OPRM1: variants seen among roughly 807,000 people sequenced by gnomAD.
OPRM1 encodes the protein mu-type opioid receptor.
Under a neutral mutation model 31.8 loss-of-function variants are expected in OPRM1, and 27 were observed. The ratio of observed to expected loss-of-function variants is 0.85; its 90% CI spans 0.63 to 1.17. The LOEUF is 1.17. Ranked by LOEUF, OPRM1 falls within the 50% of genes most tolerant of loss-of-function variation. The pLI, the probability that OPRM1 is intolerant of heterozygous loss-of-function variation, is 0.00. For missense variants in OPRM1, 536 were observed against 511.1 expected (o/e 1.05, Z -0.47); for synonymous variants, 196 against 189.9 (o/e 1.03, Z -0.26).
chr6:154,195,815 G>T (rs183066297), intron 3 of OPRM1, among the ~76,000 whole-genome samples: 62 of 144,172 alleles, frequency 4.3e-4, no homozygotes, highest in Non-Finnish European at 5.9e-4. Context: ...TTTTTGAAAC[G>T]GAGTCTTGCT....
chr6:154,039,954 G>T (rs1562387527), intron 1 of OPRM1, 120 bp downstream of exon 1: 5 of 880,648 alleles, frequency 5.7e-6, no homozygotes, highest in Non-Finnish European at 8.4e-6. Flanking sequence ...GTAAACTGGG[G>T]GGACTCTGGA....
At chr6:154,203,718 T>C (rs1303071381) in intron 3 of OPRM1, among the ~76,000 whole-genome samples, 1 of 152,196 alleles carries the variant, frequency 6.6e-6, no homozygotes, top group Non-Finnish European at 1.5e-5. Context: ...TTTGATGAGC[T>C]ACCTGAGAAC....
intron 3 of OPRM1, among the ~76,000 whole-genome samples, chr6:154,232,473 G>A (rs531477320): frequency 1.3e-5 from 2 of 152,312 alleles, no homozygotes; most frequent in East Asian, 3.9e-4. Flanking sequence ...GCCAGACCTA[G>A]AACACCAAGC....
At chr6:154,213,478 A>AT (rs1271177061) in intron 3 of OPRM1, 1 of 153,214 alleles carries the variant, frequency 6.5e-6, no homozygotes, top group African/African-American at 2.4e-5. Flanking sequence ...GACACCACCG[A>AT]TTTCATGGTA....
intron 3 of OPRM1, among the ~76,000 whole-genome samples, chr6:154,102,027 C>T (rs1794904097): frequency 1.3e-5 from 2 of 152,138 alleles, no homozygotes; most frequent in Admixed American, 1.3e-4. Context: ...GCAGCCTCTA[C>T]TTCCCAGGCT....
At position 154,026,218 on chromosome 6, in the gene OPRM1, AT is replaced by A. The variant is rs534786854; in HGVS notation, c.1-12932del. 8.1e-3 allele frequency among the ~76,000 whole-genome samples: 1,167 copies of A among 144,832 alleles called. 8 individuals carry two copies. The highest frequency in any genetic ancestry group is 0.016 in the African/African-American group (620 of 37,992). ...TATATCTGATGCAGAAATAGGGTAAATTTTTTTTTTTCTTTCAGCACTTTAA... is the reference window on the plus strand; with the variant it reads ...TATATCTGATGCAGAAATAGGGTAAATTTTTTTTTTCTTTCAGCACTTTAA... On this transcript the variant is annotated intron_variant, in intron 1 of 5. Coordinates refer to the OPRM1 transcript ENST00000434900.
In OPRM1 at chr6:154,168,237, A is replaced by G. The variant is rs1799592609; in HGVS notation, c.1164+76765A>G. On this transcript the variant is annotated intron_variant, in intron 3 of 3. Coordinates refer to the OPRM1 transcript ENST00000337049. This position sits in a 1 kb window ranked among gnomAD's most constrained non-coding sequence, Gnocchi z 4.1. The stretch of plus-strand genomic sequence containing the variant: ...ACCCTCATCTCAGACTTCTCTCCGG[A>G]ACTGAAAGACAATAAATGTTTGCTG... 3.0e-6 allele frequency: 2 copies of G among 663,966 alleles called. No individual in the cohort carries two copies. The highest frequency in any genetic ancestry group is 4.9e-6 in the Non-Finnish European group (2 of 411,252). 41.1% of individuals were successfully genotyped at this position (663,966 alleles called of 1,614,324 possible). A position where few individuals can be genotyped will look rare whatever the true frequency, so the allele number is the denominator to read the frequency against.
At chr6:154,070,493 G>C (rs1222589805) in intron 1 of OPRM1, among the ~76,000 whole-genome samples, 1 of 152,192 alleles carries the variant, frequency 6.6e-6, no homozygotes, top group Non-Finnish European at 1.5e-5. Flanking sequence ...TGAAGATCAA[G>C]TAAGAAAAAT....
At chr6:154,152,390 A>AAGAAAGAGAGAGAG (rs1360734115) in intron 3 of OPRM1, among the ~76,000 whole-genome samples, 1 of 126,198 alleles carries the variant, frequency 7.9e-6, no homozygotes, top group African/African-American at 3.1e-5. Context: ...GAAAGAAAGA[A>AAGAAAGAGAGAGAG]AGAGAAATAG....
intron 3 of OPRM1, chr6:154,214,319 C>T (rs375282943): frequency 2.4e-4 from 325 of 1,336,726 alleles, no homozygotes; most frequent in Non-Finnish European, 3.4e-4. Context: ...AAGAGATTAG[C>T]CCCCCACCCA....
intron 3 of OPRM1, among the ~76,000 whole-genome samples, chr6:154,206,247 G>T (rs1331637470): frequency 6.6e-6 from 1 of 152,172 alleles, no homozygotes; most frequent in Non-Finnish European, 1.5e-5. Flanking sequence ...CTGGAACCTG[G>T]CTTCCTCATT....
downstream of OPRM1, among the ~76,000 whole-genome samples, chr6:154,136,578 A>G (rs1014679597): frequency 2.0e-5 from 3 of 152,056 alleles, no homozygotes; most frequent in African/African-American, 7.2e-5. Context: ...CTCATGTTCC[A>G]CCTAATCCCT....
chr6:154,077,661 G>A (rs1453267114), intron 1 of OPRM1, among the ~76,000 whole-genome samples: 2 of 151,792 alleles, frequency 1.3e-5, no homozygotes, highest in African/African-American at 4.8e-5. Context: ...AACCTGCGAG[G>A]CGGAGGTTGC....
At chr6:154,170,274 A>C (rs1055859580) in intron 3 of OPRM1, among the ~76,000 whole-genome samples, 1 of 152,198 alleles carries the variant, frequency 6.6e-6, no homozygotes, top group Non-Finnish European at 1.5e-5. Flanking sequence ...CTTCCTGTCC[A>C]AAGAACCAGC....
chr6:154,021,825 A>G (rs537701581), intron 1 of OPRM1, among the ~76,000 whole-genome samples: 1 of 152,158 alleles, frequency 6.6e-6, no homozygotes, highest in African/African-American at 2.4e-5. Context: ...ATAATTGCTT[A>G]TTAGCTCCAG....
chr6:154,152,322 A>AG (rs1491216888), intron 3 of OPRM1, among the ~76,000 whole-genome samples: 486 of 42,830 alleles, frequency 0.011, 2 homozygotes, highest in East Asian at 0.085. Flanking sequence ...AAAGAAAGAA[A>AG]GAAAGAAAGA....
At chr6:154,191,946 A>G (rs1801926678) in intron 3 of OPRM1, among the ~76,000 whole-genome samples, 1 of 152,114 alleles carries the variant, frequency 6.6e-6, no homozygotes, top group African/African-American at 2.4e-5. Flanking sequence ...CCACAGCAGC[A>G]TTTTACATAA....
chr6:154,086,573 T>G, intron 1 of OPRM1: 1 of 985,142 alleles, frequency 1.0e-6, no homozygotes, highest in Non-Finnish European at 1.2e-6. Flanking sequence ...TGACATAATT[T>G]TTTTTTCCAC....
At chr6:154,228,087 C>G (rs1402112587) in intron 3 of OPRM1, among the ~76,000 whole-genome samples, 1 of 152,144 alleles carries the variant, frequency 6.6e-6, no homozygotes, top group African/African-American at 2.4e-5. Context: ...CTCCGCTTCT[C>G]CAGATCCCCT....
Sources: allele counts gnomAD v4.1 joint callset (sites outside exome capture counted in the v4.1 genomes callset), GRCh38; gene constraint gnomAD v4.1.1; non-coding constraint Gnocchi (gnomAD v3.1); transcripts MANE v1.5; gene names NCBI Gene and HGNC (gene_info 2026-07-23, HGNC 2026-07-21).